Variants in TANC2 observed in about 807,000 individuals in gnomAD.
The protein encoded by TANC2 is protein TANC2.
Under a neutral mutation model 210.5 loss-of-function variants are expected in TANC2, and 26 were observed. The ratio of observed to expected loss-of-function variants is 0.12; its 90% CI spans 0.09 to 0.17. The LOEUF (loss-of-function observed/expected upper bound fraction) is 0.17, where lower values mean the gene tolerates loss of function less well. TANC2 is among the 10% of genes least tolerant of loss of function. TANC2 has a pLI of 1.00. For synonymous variants in TANC2, 931 were observed against 967.1 expected, an observed-to-expected ratio of 0.96 and a Z score of 0.69; for missense variants, 2,129 against 2,608.9, an observed-to-expected ratio of 0.82 and a Z score of 4.01.
chr17:63,143,662 T>A (rs1468985452), intron 4 of TANC2, among the ~76,000 whole-genome samples: 2 of 152,212 alleles, frequency 1.3e-5, no homozygotes, highest in East Asian at 3.8e-4. Context: ...CCATTATTTT[T>A]GCTATTTCTT....
intron 2 of TANC2, among the ~76,000 whole-genome samples, chr17:63,030,667 A>C (rs181692923): frequency 6.6e-6 from 1 of 150,828 alleles, no homozygotes; most frequent in East Asian, 2.0e-4. Flanking sequence ...ATGAAATTGC[A>C]AATGTTGTTA....
At position 63,420,817 on chromosome 17, in the gene TANC2, T is replaced by G. The variant is rs369696442; in HGVS notation, c.5087T>G (p.Ile1696Ser). ...AGGCTACAGCCTGCCAAGGCCCAGATTGTGAGAAGTAACCAGCCCAGCCCA... is the reference window on the plus strand; with the variant it reads ...AGGCTACAGCCTGCCAAGGCCCAGAGTGTGAGAAGTAACCAGCCCAGCCCA... The change falls in exon 28 of 28, where the codon ATT (isoleucine) becomes AGT (serine). Residue 1696 changes from isoleucine to serine, a missense_variant. Physicochemically the swap from Ile to Ser is moderately radical, Grantham distance 142. Transcript: ENST00000689528. The surrounding 1 kb of genome is among the most constrained non-coding windows in gnomAD (Gnocchi z 4.2). The G allele has an allele frequency of 6.2e-7, 1 of 1,613,948 alleles. No individual in the cohort carries two copies. The highest frequency in any genetic ancestry group is 1.1e-5 in the South Asian group (1 of 91,076).
chr17:63,108,630 G>A (rs568627638), intron 4 of TANC2, among the ~76,000 whole-genome samples: 1 of 151,646 alleles, frequency 6.6e-6, no homozygotes, highest in Admixed American at 6.6e-5. Context: ...CCAACATGGT[G>A]AAACTCCATC....
intron 4 of TANC2, among the ~76,000 whole-genome samples, chr17:63,103,729 A>G (rs564252918): frequency 6.6e-6 from 1 of 152,216 alleles, no homozygotes; most frequent in African/African-American, 2.4e-5. Flanking sequence ...TTTTCATGTT[A>G]GATACCAGTG....
At chr17:63,425,502 T>A (rs2049121633) in exon 28 of TANC2, 1 of 152,224 alleles carries the variant, frequency 6.6e-6, no homozygotes, top group Admixed American at 6.5e-5. Context: ...TCCATAAGTA[T>A]TTTTCCTTAG....
chr17:63,129,439 C>T (rs1438439519), intron 4 of TANC2, among the ~76,000 whole-genome samples: 2 of 152,226 alleles, frequency 1.3e-5, no homozygotes, highest in East Asian at 3.9e-4. Flanking sequence ...GAGTAGCTAC[C>T]TCATAAGAAT....
chr17:63,127,914 T>C (rs1211137826), intron 4 of TANC2, among the ~76,000 whole-genome samples: 2 of 152,188 alleles, frequency 1.3e-5, no homozygotes, highest in African/African-American at 4.8e-5. Flanking sequence ...CTACTGACTG[T>C]TGTCAGGACA....
At chr17:63,303,168 C>G (rs2044778700) in intron 9 of TANC2, among the ~76,000 whole-genome samples, 1 of 152,152 alleles carries the variant, frequency 6.6e-6, no homozygotes, top group African/African-American at 2.4e-5. Flanking sequence ...ATCTCACACA[C>G]TAGTTGATGC....
chr17:63,018,266 G>A (rs1382309971), intron 2 of TANC2, among the ~76,000 whole-genome samples: 2 of 152,076 alleles, frequency 1.3e-5, no homozygotes, highest in Non-Finnish European at 2.9e-5. Flanking sequence ...TGATGTCGGC[G>A]GGTCACCGGG....
intron 17 of TANC2, among the ~76,000 whole-genome samples, chr17:63,394,922 C>T (rs1430260586): frequency 1.3e-5 from 2 of 152,192 alleles, no homozygotes; most frequent in East Asian, 3.9e-4. Context: ...ACTCTGTATT[C>T]AGTAAATATT....
At chr17:63,241,445 G>A (rs1367894698) in intron 8 of TANC2, among the ~76,000 whole-genome samples, 1 of 152,182 alleles carries the variant, frequency 6.6e-6, no homozygotes, top group East Asian at 1.9e-4. Context: ...AGAGCAGTCA[G>A]CAAACCAGGG....
At chr17:63,184,929 GC>G (rs2040924856) in intron 5 of TANC2, among the ~76,000 whole-genome samples, 1 of 151,370 alleles carries the variant, frequency 6.6e-6, no homozygotes, top group Admixed American at 6.6e-5. Context: ...ACTGCACCCA[GC>G]CCTATGTATT....
rs2031336785 is a variant in TANC2, at chr17:62,966,446, C to A, written c.-327C>A. Among the ~76,000 whole-genome samples the A allele has an allele frequency of 2.0e-5, 3 of 148,402 alleles. No homozygotes were observed. The highest frequency in any genetic ancestry group is 2.0e-4 in the Admixed American group (3 of 14,970). On this transcript the variant is annotated 5_prime_UTR_variant, in exon 1 of 28. Transcript: ENST00000689528. The surrounding 1 kb of genome is among the most constrained non-coding windows in gnomAD (Gnocchi z 5.1). Reference sequence around the variant, plus strand: ...CGGCCCCGCCCCCATTCCCATCCCCCTCGCGCTCACCTCCCGGCTGTGCCG... The same window carrying A: ...CGGCCCCGCCCCCATTCCCATCCCCATCGCGCTCACCTCCCGGCTGTGCCG...
intron 5 of TANC2, among the ~76,000 whole-genome samples, chr17:63,193,427 A>T (rs545411987): frequency 6.6e-6 from 1 of 152,196 alleles, no homozygotes; most frequent in African/African-American, 2.4e-5. Context: ...AAATGGAATA[A>T]TAACAATGCA....
intron 3 of TANC2, among the ~76,000 whole-genome samples, chr17:63,092,158 A>T (rs1361082508): frequency 6.6e-6 from 1 of 152,150 alleles, no homozygotes; most frequent in Non-Finnish European, 1.5e-5. Context: ...ACATTTGGGT[A>T]CTTTTCAGTT....
chr17:63,032,872 C>T (rs2034827919), intron 2 of TANC2, among the ~76,000 whole-genome samples: 1 of 152,074 alleles, frequency 6.6e-6, no homozygotes, highest in Non-Finnish European at 1.5e-5. Flanking sequence ...ACAAGACGCC[C>T]CCCACTTAGA....
At chr17:63,124,438 G>C (rs2038624044) in intron 4 of TANC2, among the ~76,000 whole-genome samples, 1 of 152,148 alleles carries the variant, frequency 6.6e-6, no homozygotes, top group East Asian at 1.9e-4. Flanking sequence ...ATATGATTCT[G>C]CCTTTTGCTC....
intron 4 of TANC2, among the ~76,000 whole-genome samples, chr17:63,131,977 A>C (rs2038934654): frequency 6.6e-6 from 1 of 152,224 alleles, no homozygotes; most frequent in East Asian, 1.9e-4. Context: ...ATATTTATGC[A>C]TTGGAGTGCA....
chr17:62,996,839 G>A (rs2033131001), intron 1 of TANC2, among the ~76,000 whole-genome samples: 1 of 149,552 alleles, frequency 6.7e-6, no homozygotes. Flanking sequence ...TTGAGATGGA[G>A]TTCCGCTCTT....
Sources: allele counts gnomAD v4.1 joint callset (sites outside exome capture counted in the v4.1 genomes callset), GRCh38; gene constraint gnomAD v4.1.1; non-coding constraint Gnocchi (gnomAD v3.1); transcripts MANE v1.5; gene names NCBI Gene and HGNC (gene_info 2026-07-23, HGNC 2026-07-21).